Variants in GIGYF2 observed in about 807,000 individuals in gnomAD.
GIGYF2 encodes the protein GRB10 interacting GYF protein 2, also known as GRB10-interacting GYF protein 2.
GIGYF2 carries 25 observed loss-of-function variants against 208.1 expected under a neutral mutation model. The observed-to-expected ratio is 0.12, with a 90% CI of 0.09 to 0.17. The LOEUF is 0.17. Ranked by LOEUF, GIGYF2 falls within the 10% of genes least tolerant of loss-of-function variation. The pLI, the probability that GIGYF2 is intolerant of heterozygous loss-of-function variation, is 1.00. For missense variants in GIGYF2, 1,302 were observed against 1,579.4 expected (o/e 0.82, Z 2.98); for synonymous variants, 534 against 543.8 (o/e 0.98, Z 0.25).
chr2:232,713,939 ATTTTTTTTTTTTCTCTT>A (rs1023818204), intron 2 of GIGYF2, among the ~76,000 whole-genome samples: 6 of 135,822 alleles, frequency 4.4e-5, no homozygotes, highest in African/African-American at 1.6e-4. Context: ...TGAGGAACTG[ATTTTTTTTTTTTCTCTT>A]TTTTTTTTTT....
At chr2:232,722,816 C>G (rs1325265998) in intron 2 of GIGYF2, among the ~76,000 whole-genome samples, 2 of 152,188 alleles carry the variant, frequency 1.3e-5, no homozygotes, top group Non-Finnish European at 2.9e-5. Flanking sequence ...CAAACAAACT[C>G]TAGCATAGAA....
intron 4 of GIGYF2, 125 bp downstream of exon 4, chr2:232,747,869 G>A: frequency 2.2e-6 from 2 of 899,284 alleles, no homozygotes; most frequent in South Asian, 1.4e-5. Context: ...CACCTTAACT[G>A]TTTCCCTGCT....
At position 232,771,049 on chromosome 2, in the gene GIGYF2, C is replaced by A. The variant is rs1699223440; in HGVS notation, c.532+9613C>A. 2 of 1,614,068 alleles carry A rather than the reference C, an allele frequency of 1.2e-6. No homozygotes were observed. Among genetic ancestry groups the A allele is most frequent in the Non-Finnish European group, 1.7e-6 (2 of 1,179,994 alleles). ...GGAGAAGGAGAATGCAGCTGTGAAA[C>A]TGGTGATATACTTGACACAGATAGT... On this transcript the variant is annotated intron_variant, in intron 8 of 28. Coordinates refer to ENST00000373563, the MANE Select transcript of GIGYF2 (RefSeq NM_001103146.3).
In GIGYF2 at chr2:232,809,545, G is replaced by A. The variant is rs1574909966; in HGVS notation, c.1807-175G>A. On this transcript the variant is annotated intron_variant, in intron 15 of 28. Transcript: ENST00000373563. ...TTGACACCACTGTTTCCACTAGATG[G>A]TGTTGTTTAGTTTTTAAAGATGTCT... Among the ~76,000 whole-genome samples, 4 of 152,292 alleles carry A rather than the reference G, an allele frequency of 2.6e-5. No homozygotes were observed. In the South Asian group the frequency reaches 8.3e-4, roughly 32 times the overall value.
chr2:232,835,891 G>A (rs1300417495), intron 22 of GIGYF2, among the ~76,000 whole-genome samples: 1 of 151,636 alleles, frequency 6.6e-6, no homozygotes, highest in African/African-American at 2.4e-5. Context: ...GAATATCCCT[G>A]GTGGTGCGTG....
chr2:232,812,591 C>T (rs1437803037), intron 18 of GIGYF2, 100 bp downstream of exon 18: 1 of 673,792 alleles, frequency 1.5e-6, no homozygotes, highest in Admixed American at 2.2e-5. Context: ...TTTCTGAATC[C>T]ATTTTGTATT....
intron 19 of GIGYF2, chr2:232,816,019 T>C (rs922136969): frequency 5.0e-6 from 2 of 397,198 alleles, no homozygotes; most frequent in South Asian, 2.4e-5. Context: ...GTATGAACAT[T>C]TGTTATAAGT....
chr2:232,843,314 CT>C (rs1273301894), intron 23 of GIGYF2, among the ~76,000 whole-genome samples: 1 of 151,932 alleles, frequency 6.6e-6, no homozygotes, highest in Non-Finnish European at 1.5e-5. Context: ...AATCCTAGCA[CT>C]TTGGGAGGCT....
At chr2:232,792,503 G>A (rs1700099385) in intron 12 of GIGYF2, among the ~76,000 whole-genome samples, 1 of 152,168 alleles carries the variant, frequency 6.6e-6, no homozygotes, top group Non-Finnish European at 1.5e-5. Context: ...TCGGGAAGCT[G>A]AAATGGGGGA....
At chr2:232,851,388 T>C (rs1690321249) in intron 28 of GIGYF2, among the ~76,000 whole-genome samples, 1 of 152,134 alleles carries the variant, frequency 6.6e-6, no homozygotes, top group South Asian at 2.1e-4. Flanking sequence ...CTGCCCATGT[T>C]TTTTGCAACA....
chr2:232,730,057 C>T (rs1697390122), intron 2 of GIGYF2: 2 of 961,848 alleles, frequency 2.1e-6, no homozygotes, highest in Non-Finnish European at 3.4e-6. Flanking sequence ...TAACACAAGT[C>T]AGCAGGCGGT....
intron 8 of GIGYF2, among the ~76,000 whole-genome samples, chr2:232,774,010 G>A (rs981181294): frequency 5.3e-5 from 8 of 151,680 alleles, no homozygotes; most frequent in Admixed American, 4.6e-4. Flanking sequence ...AACCAGGCAT[G>A]GTGACTCATG....
rs184210232 is a variant in GIGYF2, at chr2:232,744,209, T to C, written c.42-3406T>C. 5.1e-3 allele frequency among the ~76,000 whole-genome samples: 779 copies of C among 152,262 alleles called. 4 individuals carry two copies. Among genetic ancestry groups the C allele is most frequent in the African/African-American group, 0.018 (754 of 41,558 alleles). On this transcript the variant is annotated intron_variant, in intron 3 of 28. Transcript: ENST00000373563. ...TTTAGTCTTGGGCATTGGAAAACCA[T>C]TGGTGATCCATTGGAAGGGACAGGG...
chr2:232,814,129 G>A (rs970795975), intron 18 of GIGYF2, among the ~76,000 whole-genome samples: 30 of 151,608 alleles, frequency 2.0e-4, no homozygotes, highest in Admixed American at 2.0e-4. Context: ...CAAGTGATCC[G>A]CCTGCCTCTG....
chr2:232,714,821 G>A (rs1696604310), intron 2 of GIGYF2, among the ~76,000 whole-genome samples: 2 of 150,396 alleles, frequency 1.3e-5, no homozygotes, highest in Non-Finnish European at 3.0e-5. Flanking sequence ...ATACTTTTAT[G>A]TTCAGGGGTA....
At chr2:232,718,769 ATTCGT>A (rs1194863288) in intron 2 of GIGYF2, among the ~76,000 whole-genome samples, 1 of 152,136 alleles carries the variant, frequency 6.6e-6, no homozygotes, top group Non-Finnish European at 1.5e-5. Context: ...AGAACTACTG[ATTCGT>A]TTAGTATATG....
intron 15 of GIGYF2, among the ~76,000 whole-genome samples, chr2:232,809,129 G>C (rs946834789): frequency 1.3e-5 from 2 of 152,076 alleles, no homozygotes. Context: ...ATTTTTAGTG[G>C]AGACGGGGTT....
At chr2:232,760,616 A>G in intron 7 of GIGYF2, 25 bp downstream of exon 7, 3 of 1,469,964 alleles carry the variant, frequency 2.0e-6, no homozygotes, top group Non-Finnish European at 2.9e-6. Context: ...ATATTGGCAT[A>G]AAAATTTCTT....
At chr2:232,805,566 A>G (rs77574551) in intron 14 of GIGYF2, among the ~76,000 whole-genome samples, 2,006 of 152,190 alleles carry the variant, frequency 0.013, 35 homozygotes, top group African/African-American at 0.045. Context: ...CTACTTTGTT[A>G]TATTTTGTGT....
Sources: gnomAD v4.1 joint callset for allele counts (sites outside exome capture counted in the v4.1 genomes callset) on GRCh38, gnomAD v4.1.1 for gene constraint, MANE v1.5 for transcripts, NCBI Gene and HGNC (gene_info 2026-07-23, HGNC 2026-07-21) for gene names.